Variants in FGF12 observed in about 807,000 individuals in gnomAD.
The protein encoded by FGF12 is fibroblast growth factor 12.
FGF12 carries 14 observed loss-of-function variants against 23.6 expected under a neutral mutation model. The ratio of observed to expected loss-of-function variants is 0.59; its 90% CI spans 0.39 to 0.93. The LOEUF (loss-of-function observed/expected upper bound fraction) is 0.93. Ranked by LOEUF, FGF12 falls within the 40% of genes least tolerant of loss-of-function variation. The pLI, the probability that FGF12 is intolerant of heterozygous loss-of-function variation, is 0.00. For synonymous variants in FGF12, 62 were observed against 77.3 expected, an observed-to-expected ratio of 0.80 and a Z score of 1.04; for missense variants, 175 against 217.8, an observed-to-expected ratio of 0.80 and a Z score of 1.24.
chr3:192,491,859 GA>G (rs1167302887), intron 2 of FGF12, among the ~76,000 whole-genome samples: 2 of 152,104 alleles, frequency 1.3e-5, no homozygotes, highest in African/African-American at 2.4e-5. Context: ...GAAAGCACTA[GA>G]AAACCATGAA....
At chr3:192,629,520 A>T (rs576562735) in intron 2 of FGF12, among the ~76,000 whole-genome samples, 1 of 152,366 alleles carries the variant, frequency 6.6e-6, no homozygotes, top group East Asian at 1.9e-4. Flanking sequence ...GTCAGATGAA[A>T]ACAGATTCTA....
intron 3 of FGF12, among the ~76,000 whole-genome samples, chr3:192,337,551 T>C (rs1386991414): frequency 6.6e-6 from 1 of 152,184 alleles, no homozygotes; most frequent in Non-Finnish European, 1.5e-5. Flanking sequence ...GTGTGACATA[T>C]GAAAACTAGA....
chr3:192,692,968 C>A (rs1220331194), intron 2 of FGF12, among the ~76,000 whole-genome samples: 2 of 149,268 alleles, frequency 1.3e-5, no homozygotes, highest in Non-Finnish European at 1.5e-5. Flanking sequence ...GCAAGAATAA[C>A]CAGAAAAGAA....
chr3:192,316,023 G>A lies in FGF12; in HGVS notation c.228+19338C>T, dbSNP rs73193540. Among the ~76,000 whole-genome samples the A allele has an allele frequency of 9.5e-3, 1,439 of 152,268 alleles. 16 individuals are homozygous for A. The highest frequency in any genetic ancestry group is 0.014 in the Non-Finnish European group (956 of 68,018). ...GTTTTGGAGGTAGGGCTGGCTTTAA[G>A]GATAAGAATGAGAACTTGTTGCTCC... On this transcript the variant is annotated intron_variant, in intron 4 of 5. Coordinates refer to ENST00000445105, the MANE Select transcript of FGF12 (RefSeq NM_004113.6).
intron 4 of FGF12, among the ~76,000 whole-genome samples, chr3:192,208,395 A>G (rs766923165): frequency 6.6e-6 from 1 of 152,196 alleles, no homozygotes; most frequent in Non-Finnish European, 1.5e-5. Context: ...TAGCCACTGA[A>G]TAAGAACCTC....
chr3:192,336,704 C>T lies in FGF12; in HGVS notation c.125-1240G>A, dbSNP rs1182094060. Among the ~76,000 whole-genome samples the T allele has an allele frequency of 6.6e-6, 1 of 152,102 alleles. No individual in the cohort carries two copies. The highest frequency in any genetic ancestry group is 1.5e-5 in the Non-Finnish European group (1 of 67,998). On this transcript the variant is annotated intron_variant, in intron 3 of 5. Transcript: ENST00000445105. This position sits in a 1 kb window ranked among gnomAD's most constrained non-coding sequence, Gnocchi z 4.3. ...TCTTCTTAGTTTTTAATACAAGATACACATAAATTAACCCAAGGGCTACCA... is the reference window on the plus strand; with the variant it reads ...TCTTCTTAGTTTTTAATACAAGATATACATAAATTAACCCAAGGGCTACCA...
chr3:192,595,888 T>C (rs1713820621), intron 2 of FGF12, among the ~76,000 whole-genome samples: 1 of 151,838 alleles, frequency 6.6e-6, no homozygotes, highest in Non-Finnish European at 1.5e-5. Flanking sequence ...TGAGCTAAAG[T>C]TCAAGACCAG....
rs1724601605 is a variant in FGF12 at position 192,514,666 on chromosome 3, C to T, written c.14-154128G>A. 1.0e-6 allele frequency: 1 copy of T among 984,410 alleles called. No homozygotes were observed. Among genetic ancestry groups the T allele is most frequent in the Non-Finnish European group, 1.2e-6 (1 of 829,008 alleles). The allele number at this position is 984,410 out of a possible 1,614,324, so 61.0% of individuals were successfully genotyped here. A position where few individuals can be genotyped will look rare whatever the true frequency, so the allele number is the denominator to read the frequency against. On this transcript the variant is annotated intron_variant, in intron 2 of 5. Transcript: ENST00000445105. The surrounding 1 kb of genome is among the most constrained non-coding windows in gnomAD (Gnocchi z 4.9). ...GGGCTGGGGAAAGAACATTTTCTCA[C>T]CACTTGGGCTGTCGCTGGACCTCAG...
At chr3:192,473,389 T>G (rs2108814777) in intron 2 of FGF12, among the ~76,000 whole-genome samples, 1 of 152,282 alleles carries the variant, frequency 6.6e-6, no homozygotes, top group East Asian at 1.9e-4. Flanking sequence ...TGATGGTTAT[T>G]ATGGGGTAAC....
rs188727620 is a variant in FGF12 at position 192,633,425 on chromosome 3, C to A, written c.13+93756G>T. Among the ~76,000 whole-genome samples, 43 of 152,160 alleles carry A rather than the reference C, an allele frequency of 2.8e-4. No individual in the cohort carries two copies. In the East Asian group the frequency reaches 7.4e-3, roughly 26 times the overall value. On this transcript the variant is annotated intron_variant, in intron 2 of 5. Transcript: ENST00000445105. ...TCATCTTAATTCAGGATCCTATTTC[C>A]AAATAAGATCGCATCCTTAGGTTCT...
intron 2 of FGF12, among the ~76,000 whole-genome samples, chr3:192,632,980 G>A (rs1184697870): frequency 6.6e-6 from 1 of 152,064 alleles, no homozygotes; most frequent in Non-Finnish European, 1.5e-5. Flanking sequence ...TTCAGCCTCT[G>A]CTTTCATCCC....
chr3:192,239,922 A>G (rs1198911771), intron 4 of FGF12, among the ~76,000 whole-genome samples: 1 of 151,712 alleles, frequency 6.6e-6, no homozygotes, highest in Non-Finnish European at 1.5e-5. Context: ...CTGAGGTCTT[A>G]GTGAAACAGG....
chr3:192,253,485 G>T (rs923001493), intron 4 of FGF12, among the ~76,000 whole-genome samples: 2 of 152,000 alleles, frequency 1.3e-5, no homozygotes, highest in Admixed American at 6.6e-5. Flanking sequence ...AAAGAGAAAA[G>T]AAATTAATTT....
At chr3:192,396,519 G>A (rs545981344) in intron 2 of FGF12, among the ~76,000 whole-genome samples, 7 of 152,288 alleles carry the variant, frequency 4.6e-5, no homozygotes, top group African/African-American at 1.4e-4. Flanking sequence ...TCCTTGCTCT[G>A]CCTTTCATAG....
At chr3:192,267,404 A>T (rs886659424) in intron 4 of FGF12, among the ~76,000 whole-genome samples, 2 of 152,214 alleles carry the variant, frequency 1.3e-5, no homozygotes, top group African/African-American at 4.8e-5. Flanking sequence ...GATTAAAGGT[A>T]TTTAAATACA....
intron 2 of FGF12, among the ~76,000 whole-genome samples, chr3:192,563,721 A>G (rs1712145611): frequency 1.3e-5 from 2 of 152,230 alleles, no homozygotes; most frequent in African/African-American, 4.8e-5. Context: ...CAATAGATAA[A>G]CACAATGATA....
At chr3:192,477,775 C>A (rs1485308970) in intron 2 of FGF12, among the ~76,000 whole-genome samples, 2 of 152,212 alleles carry the variant, frequency 1.3e-5, no homozygotes, top group East Asian at 1.9e-4. Flanking sequence ...TGACTTCACT[C>A]GAAACCACAT....
At chr3:192,311,679 G>A (rs968589403) in intron 4 of FGF12, among the ~76,000 whole-genome samples, 2 of 152,052 alleles carry the variant, frequency 1.3e-5, no homozygotes, top group African/African-American at 2.4e-5. Context: ...GGAACTGTTG[G>A]GTCATATAAT....
intron 2 of FGF12, among the ~76,000 whole-genome samples, chr3:192,383,419 G>A (rs1719909878): frequency 6.6e-6 from 1 of 151,648 alleles, no homozygotes; most frequent in Admixed American, 6.6e-5. Flanking sequence ...CAGTCAAGGT[G>A]GTCTTAAATA....
Sources: gnomAD v4.1 joint callset for allele counts (sites outside exome capture counted in the v4.1 genomes callset) on GRCh38, gnomAD v4.1.1 for gene constraint, Gnocchi (gnomAD v3.1) non-coding constraint, MANE v1.5 for transcripts, NCBI Gene and HGNC (gene_info 2026-07-23, HGNC 2026-07-21) for gene names.